Variants in XPR1 observed in about 807,000 individuals in gnomAD.
XPR1 encodes xenotropic and polytropic retrovirus receptor 1.
In XPR1, 28 loss-of-function variants were observed where a neutral mutation model predicts 87.5. The ratio of observed to expected loss-of-function variants is 0.32; its 90% CI spans 0.24 to 0.44. The LOEUF (loss-of-function observed/expected upper bound fraction) is 0.44, where lower values mean the gene tolerates loss of function less well. Ranked by LOEUF, XPR1 falls within the 20% of genes least tolerant of loss-of-function variation. XPR1 has a pLI of 1.00. For missense variants in XPR1, 559 were observed against 862.3 expected, an observed-to-expected ratio of 0.65 and a Z score of 4.41; for synonymous variants, 300 against 306.1, an observed-to-expected ratio of 0.98 and a Z score of 0.21.
intron 13 of XPR1, among the ~76,000 whole-genome samples, chr1:180,879,432 CT>C (rs1214126498): frequency 1.3e-5 from 2 of 152,340 alleles, no homozygotes; most frequent in South Asian, 2.1e-4. Context: ...TCTTCCACCC[CT>C]CCATCATTAT....
chr1:180,767,655 G>A (rs1648338791), intron 2 of XPR1, among the ~76,000 whole-genome samples: 1 of 151,922 alleles, frequency 6.6e-6, no homozygotes, highest in African/African-American at 2.4e-5. Flanking sequence ...ATATAATCTG[G>A]GAAAGTATAC....
intron 2 of XPR1, among the ~76,000 whole-genome samples, chr1:180,695,726 TAGTC>T (rs1005602336): frequency 6.6e-6 from 1 of 152,130 alleles, no homozygotes; most frequent in Non-Finnish European, 1.5e-5. Flanking sequence ...CCTTTGTTGA[TAGTC>T]AGTTTTCTGT....
chr1:180,706,968 C>T (rs1257832644), intron 2 of XPR1, among the ~76,000 whole-genome samples: 1 of 152,024 alleles, frequency 6.6e-6, no homozygotes, highest in Non-Finnish European at 1.5e-5. Context: ...ACAGTATTTT[C>T]TATAAAGTAA....
intron 2 of XPR1, among the ~76,000 whole-genome samples, chr1:180,740,032 A>G (rs1036849355): frequency 6.6e-6 from 1 of 152,084 alleles, no homozygotes; most frequent in African/African-American, 2.4e-5. Flanking sequence ...AAATATATTG[A>G]CCTTGTATAT....
intron 2 of XPR1, among the ~76,000 whole-genome samples, chr1:180,683,068 C>T (rs1194602165): frequency 1.3e-5 from 2 of 151,706 alleles, no homozygotes; most frequent in Non-Finnish European, 2.9e-5. Flanking sequence ...GTGTGCTGCA[C>T]CCATTAACTC....
At chr1:180,652,590 T>C (rs1655333604) in intron 1 of XPR1, among the ~76,000 whole-genome samples, 1 of 152,198 alleles carries the variant, frequency 6.6e-6, no homozygotes, top group Non-Finnish European at 1.5e-5. Flanking sequence ...GAATGTTATT[T>C]TATTGTTGTT....
intron 6 of XPR1, among the ~76,000 whole-genome samples, chr1:180,808,752 A>C (rs780685775): frequency 2.0e-5 from 3 of 152,184 alleles, no homozygotes; most frequent in Non-Finnish European, 4.4e-5. Flanking sequence ...AAGATAATAC[A>C]TTGTCTGTTA....
At chr1:180,799,971 TGTCTTTA>T (rs925172511) in intron 3 of XPR1, among the ~76,000 whole-genome samples, 1 of 152,218 alleles carries the variant, frequency 6.6e-6, no homozygotes. Flanking sequence ...CCTATCCCTT[TGTCTTTA>T]AAGTCTGTGA....
chr1:180,819,448 C>T (rs891243840), intron 7 of XPR1, among the ~76,000 whole-genome samples: 1 of 152,124 alleles, frequency 6.6e-6, no homozygotes, highest in Non-Finnish European at 1.5e-5. Context: ...ATCATATTTA[C>T]TGAAAGCCTT....
chr1:180,698,610 T>C (rs1399445695), intron 2 of XPR1, among the ~76,000 whole-genome samples: 2 of 152,250 alleles, frequency 1.3e-5, no homozygotes, highest in Non-Finnish European at 2.9e-5. Context: ...GTGAATTTTA[T>C]ACTTCAGTGT....
chr1:180,848,027 C>A (rs1651742916), intron 11 of XPR1, among the ~76,000 whole-genome samples: 1 of 152,046 alleles, frequency 6.6e-6, no homozygotes, highest in Admixed American at 6.6e-5. Context: ...TCTAATGTTA[C>A]TTATTAATAT....
intron 11 of XPR1, among the ~76,000 whole-genome samples, chr1:180,851,524 A>T (rs1651869137): frequency 6.6e-6 from 1 of 152,236 alleles, no homozygotes; most frequent in African/African-American, 2.4e-5. Context: ...TAACCTAGAA[A>T]GGTATGGTGT....
chr1:180,861,323 G>A (rs1652213820), intron 11 of XPR1, among the ~76,000 whole-genome samples: 3 of 147,852 alleles, frequency 2.0e-5, no homozygotes, highest in Admixed American at 6.7e-5. Flanking sequence ...GAAAATATGA[G>A]GAGTGAATTT....
At chr1:180,762,792 G>A (rs1204775631) in intron 2 of XPR1, among the ~76,000 whole-genome samples, 2 of 152,202 alleles carry the variant, frequency 1.3e-5, no homozygotes, top group Non-Finnish European at 1.5e-5. Context: ...TAGGAATTAA[G>A]GATGCCTATG....
chr1:180,736,961 A>G (rs1442447144), intron 2 of XPR1, among the ~76,000 whole-genome samples: 1 of 152,210 alleles, frequency 6.6e-6, no homozygotes, highest in East Asian at 1.9e-4. Context: ...CAGCCGCAAG[A>G]TGGTGGATAC....
chr1:180,659,505 G>A (rs1376240287), intron 1 of XPR1, among the ~76,000 whole-genome samples: 2 of 127,396 alleles, frequency 1.6e-5, no homozygotes, highest in Non-Finnish European at 3.2e-5. Context: ...CTCCCTCTCT[G>A]TTGCCCAGGC....
chr1:180,853,791 G>GTTTTTT (rs374408714), intron 11 of XPR1, among the ~76,000 whole-genome samples: 6 of 109,442 alleles, frequency 5.5e-5, no homozygotes, highest in East Asian at 2.7e-4. Flanking sequence ...CATTCATGTG[G>GTTTTTT]TTTTTTTTTT....
At chr1:180,743,185 C>T (rs1571789466) in intron 2 of XPR1, among the ~76,000 whole-genome samples, 1 of 146,482 alleles carries the variant, frequency 6.8e-6, no homozygotes. Flanking sequence ...TATTTTTTTG[C>T]TTTTCCATAT....
At chr1:180,720,629 C>G (rs1250184518) in intron 2 of XPR1, among the ~76,000 whole-genome samples, 1 of 152,080 alleles carries the variant, frequency 6.6e-6, no homozygotes, top group Non-Finnish European at 1.5e-5. Context: ...ACAGCATCAC[C>G]TGGGTACTTG....
Sources: allele counts gnomAD v4.1 joint callset (sites outside exome capture counted in the v4.1 genomes callset), GRCh38; gene constraint gnomAD v4.1.1; transcripts MANE v1.5; gene names NCBI Gene and HGNC (gene_info 2026-07-23, HGNC 2026-07-21).